The following TOMM5 variants were observed in gnomAD, a reference collection of about 807,000 sequenced individuals.
TOMM5 encodes the protein mitochondrial import receptor subunit TOM5 homolog.
TOMM5 carries 1 observed loss-of-function variant against 4.8 expected under a neutral mutation model. The observed-to-expected ratio is 0.21, with a 90% CI of 0.07 to 0.99. The LOEUF (loss-of-function observed/expected upper bound fraction) is 0.99, where lower values mean the gene tolerates loss of function less well. Ranked by LOEUF, TOMM5 falls within the 50% of genes least tolerant of loss-of-function variation. The pLI, the probability that TOMM5 is intolerant of heterozygous loss-of-function variation, is 0.60. For synonymous variants in TOMM5, 26 were observed against 26.7 expected (o/e 0.97, Z 0.08); for missense variants, 60 against 66.6 (o/e 0.90, Z 0.35).
rs1453315730 is a variant in TOMM5 at position 37,592,542 on chromosome 9, G to C, written c.-10C>G. ...CCTCAATCCGGAACATCGCGGCTCT[G>C]ACTTAGCAGCTTCCAGCCGCCGCGC... On this transcript the variant is annotated 5_prime_UTR_variant, in exon 1 of 2. Transcript: ENST00000321301. 2.5e-6 allele frequency: 4 copies of C among 1,609,192 alleles called. No homozygotes were observed. The highest frequency in any genetic ancestry group is 3.4e-6 in the Non-Finnish European group (4 of 1,177,004).
rs749309411 is a variant in TOMM5 at position 37,592,544 on chromosome 9, C to T, written c.-12G>A. On this transcript the variant is annotated 5_prime_UTR_variant, in exon 1 of 2. Coordinates refer to ENST00000321301, the MANE Select transcript of TOMM5 (RefSeq NM_001001790.3). The stretch of plus-strand genomic sequence containing the variant: ...TCAATCCGGAACATCGCGGCTCTGA[C>T]TTAGCAGCTTCCAGCCGCCGCGCTC... 34 of 1,608,546 alleles carry T rather than the reference C, an allele frequency of 2.1e-5. No homozygotes were observed. Among genetic ancestry groups the T allele is most frequent in the Middle Eastern group, 2.0e-4 (1 of 5,110 alleles).
In TOMM5 at chr9:37,592,496, G is replaced by C. The variant is rs753243254; in HGVS notation, c.37C>G (p.Pro13Ala). ...CGCATCTTCCGTTTCATCTCCTCCG[G>C]GTCCAGCTTCGGCGCGAGGCCCTCA... ...RIEGLAPKLD[P>A]EEMKRKMRED... Residue 13 changes from proline to alanine, a missense_variant, in exon 1 of 2, where the codon CCG becomes GCG. Physicochemically the swap from Pro to Ala is conservative, Grantham distance 27. Coordinates refer to ENST00000321301, the MANE Select transcript of TOMM5 (RefSeq NM_001001790.3). The C allele has an allele frequency of 6.2e-7, 1 of 1,613,944 alleles. No individual in the cohort carries two copies. Among genetic ancestry groups the C allele is most frequent in the Non-Finnish European group, 8.5e-7 (1 of 1,179,996 alleles).
rs1588875010 is a variant in TOMM5, at chr9:37,592,591, C to G, written c.-59G>C. On this transcript the variant is annotated 5_prime_UTR_variant, in exon 1 of 2. Transcript: ENST00000321301. ...GCTCTGCTCTCCACGGTGGCCGCCT[C>G]GCGCCCGGAACTCGGCCTATCCTCA... The G allele has an allele frequency of 6.3e-7, 1 of 1,575,282 alleles. No individual in the cohort carries two copies. Among genetic ancestry groups the G allele is most frequent in the South Asian group, 1.2e-5 (1 of 85,192 alleles).
intron 1 of TOMM5, chr9:37,592,120 G>T: frequency 1.7e-6 from 2 of 1,163,902 alleles, no homozygotes; most frequent in Non-Finnish European, 2.4e-6. Flanking sequence ...TTCACAAAGT[G>T]CTGGGTGGGA....
intron 1 of TOMM5, among the ~76,000 whole-genome samples, chr9:37,589,220 A>T (rs939500122): frequency 2.0e-5 from 3 of 152,258 alleles, no homozygotes; most frequent in Non-Finnish European, 2.9e-5. Flanking sequence ...TCAAATGACA[A>T]GGCTTTACTC....
Position 37,588,687 on chromosome 9 carries a change from C to T in TOMM5, c.*211G>A, listed in dbSNP as rs1344308205. The T allele has an allele frequency of 5.8e-6, 4 of 693,188 alleles. No homozygotes were observed. Among genetic ancestry groups the T allele is most frequent in the African/African-American group, 5.3e-5 (3 of 56,916 alleles). The allele number at this position is 693,188 out of a possible 1,614,324, so 42.9% of individuals were successfully genotyped here. ...AAACGTCACAGGGATAAGGGTACAC[C>T]AGATCACGAGACATCGTTTCATACT... On this transcript the variant is annotated 3_prime_UTR_variant, in exon 2 of 2. Transcript: ENST00000321301.
At chr9:37,590,458 T>C (rs1376804262) in intron 1 of TOMM5, among the ~76,000 whole-genome samples, 3 of 152,082 alleles carry the variant, frequency 2.0e-5, no homozygotes, top group Non-Finnish European at 4.4e-5. Context: ...AAAAGTAGAT[T>C]AGTCGTTGTG....
chr9:37,590,171 T>C (rs752936950), intron 1 of TOMM5, among the ~76,000 whole-genome samples: 2 of 152,028 alleles, frequency 1.3e-5, no homozygotes, highest in African/African-American at 2.4e-5. Flanking sequence ...ATGAGAAGGA[T>C]TGATCGAGCC....
Position 37,588,608 on chromosome 9 carries a change from G to T in TOMM5, c.*290C>A. 1 of 538,624 alleles carries T rather than the reference G, an allele frequency of 1.9e-6. No homozygotes were observed. The highest frequency in any genetic ancestry group is 3.4e-6 in the Non-Finnish European group (1 of 293,742). 33.4% of individuals were successfully genotyped at this position (538,624 alleles called of 1,614,324 possible). On this transcript the variant is annotated 3_prime_UTR_variant, in exon 2 of 2. Coordinates refer to ENST00000321301, the MANE Select transcript of TOMM5 (RefSeq NM_001001790.3). The stretch of plus-strand genomic sequence containing the variant: ...TTCAGACACAGCTCCCTTAATACTT[G>T]CTAGAAAACGGAGTTTGACATTATT...
Position 37,588,511 on chromosome 9 carries a change from A to G in TOMM5, c.*387T>C, listed in dbSNP as rs1038726132. The G allele has an allele frequency of 1.4e-5, 5 of 356,276 alleles. No individual in the cohort carries two copies. The East Asian group carries it at 3.5e-4, about 25-fold the overall frequency. 22.1% of individuals were successfully genotyped at this position (356,276 alleles called of 1,614,324 possible). On this transcript the variant is annotated 3_prime_UTR_variant, in exon 2 of 2. Transcript: ENST00000321301. The stretch of plus-strand genomic sequence containing the variant: ...TGCTGATTTCCACAAAACATAATAT[A>G]AGAGACTCTTCACAAATACACTCTG...
chr9:37,590,322 GGAGGTC>G (rs1260857861), intron 1 of TOMM5, among the ~76,000 whole-genome samples: 1 of 152,082 alleles, frequency 6.6e-6, no homozygotes, highest in Non-Finnish European at 1.5e-5. Context: ...CTTGAGCCTG[GGAGGTC>G]GAGGTTGCTG....
At position 37,588,618 on chromosome 9, in the gene TOMM5, G is replaced by A. The variant is rs753795243; in HGVS notation, c.*280C>T. On this transcript the variant is annotated 3_prime_UTR_variant, in exon 2 of 2. Transcript: ENST00000321301. ...GCTCCCTTAATACTTGCTAGAAAAC[G>A]GAGTTTGACATTATTTACAATTATA... 1.2e-5 allele frequency: 7 copies of A among 563,982 alleles called. No individual in the cohort carries two copies. Among genetic ancestry groups the A allele is most frequent in the Admixed American group, 2.6e-5 (1 of 38,702 alleles). The allele number at this position is 563,982 out of a possible 1,614,324, so 34.9% of individuals were successfully genotyped here.
At chr9:37,589,964 C>A (rs1823075712) in intron 1 of TOMM5, among the ~76,000 whole-genome samples, 1 of 152,180 alleles carries the variant, frequency 6.6e-6, no homozygotes, top group African/African-American at 2.4e-5. Flanking sequence ...GTGATACATC[C>A]TTCCAACAGA....
Position 37,592,587 on chromosome 9 carries a change from G to T in TOMM5, c.-55C>A. The T allele has an allele frequency of 1.3e-6, 2 of 1,579,176 alleles. No homozygotes were observed. The highest frequency in any genetic ancestry group is 1.7e-6 in the Non-Finnish European group (2 of 1,161,934). On this transcript the variant is annotated 5_prime_UTR_variant, in exon 1 of 2. Transcript: ENST00000321301. ...CCGCGCTCTGCTCTCCACGGTGGCC[G>T]CCTCGCGCCCGGAACTCGGCCTATC...
Position 37,588,941 on chromosome 9 carries a change from AAAAC to A in TOMM5, c.122-13_122-10del, listed in dbSNP as rs1823058934. The A allele has an allele frequency of 2.5e-6, 4 of 1,610,036 alleles. No individual in the cohort carries two copies. The highest frequency in any genetic ancestry group is 2.2e-5 in the South Asian group (2 of 90,650). On this transcript the variant is annotated splice_polypyrimidine_tract_variant and intron_variant, in intron 1 of 1. Coordinates refer to ENST00000321301, the MANE Select transcript of TOMM5 (RefSeq NM_001001790.3). Reference sequence around the variant, plus strand: ...CTTTAAGATAAATGGAGCTGAAAGAAAAACAAATCTAAAATTAGTTTTCAAATCT... The same window carrying A: ...CTTTAAGATAAATGGAGCTGAAAGAAAAATCTAAAATTAGTTTTCAAATCT...
chr9:37,589,599 T>C (rs1823070027), intron 1 of TOMM5, among the ~76,000 whole-genome samples: 1 of 152,196 alleles, frequency 6.6e-6, no homozygotes, highest in Non-Finnish European at 1.5e-5. Flanking sequence ...CTCATACTAA[T>C]AGAATTTTGT....
At position 37,588,780 on chromosome 9, in the gene TOMM5, GA is replaced by G; in HGVS notation, c.*117del. 1 of 1,044,470 alleles carries G rather than the reference GA, an allele frequency of 9.6e-7. No individual in the cohort carries two copies. Among genetic ancestry groups the G allele is most frequent in the Non-Finnish European group, 1.5e-6 (1 of 667,384 alleles). The allele number at this position is 1,044,470 out of a possible 1,614,324, so 64.7% of individuals were successfully genotyped here. Reference sequence around the variant, plus strand: ...GAGCCAAACTTGTTCTTAACAAGCAGAATTTTATGTCCATTCAAAGAGTCTC... The same window carrying G: ...GAGCCAAACTTGTTCTTAACAAGCAGATTTTATGTCCATTCAAAGAGTCTC... On this transcript the variant is annotated 3_prime_UTR_variant, in exon 2 of 2. Transcript: ENST00000321301.
rs1463615444 is a variant in TOMM5 at position 37,588,522 on chromosome 9, C to T, written c.*376G>A. 2.7e-6 allele frequency: 1 copy of T among 370,248 alleles called. No individual in the cohort carries two copies. Among genetic ancestry groups the T allele is most frequent in the Non-Finnish European group, 5.1e-6 (1 of 194,270 alleles). 22.9% of individuals were successfully genotyped at this position (370,248 alleles called of 1,614,324 possible). A position where few individuals can be genotyped will look rare whatever the true frequency, so the allele number is the denominator to read the frequency against. On this transcript the variant is annotated 3_prime_UTR_variant, in exon 2 of 2. Coordinates refer to ENST00000321301, the MANE Select transcript of TOMM5 (RefSeq NM_001001790.3). The stretch of plus-strand genomic sequence containing the variant: ...ACAAAACATAATATAAGAGACTCTT[C>T]ACAAATACACTCTGGGCAGAAGAAA...
rs1823050764 is a variant in TOMM5, at chr9:37,588,532, C to T, written c.*366G>A. On this transcript the variant is annotated 3_prime_UTR_variant, in exon 2 of 2. Coordinates refer to ENST00000321301, the MANE Select transcript of TOMM5 (RefSeq NM_001001790.3). ...ATATAAGAGACTCTTCACAAATACA[C>T]TCTGGGCAGAAGAAAAAGGTAAACA... is the stretch of plus-strand genomic sequence containing the variant. 1 of 395,534 alleles carries T rather than the reference C, an allele frequency of 2.5e-6. No homozygotes were observed. Among genetic ancestry groups the T allele is most frequent in the South Asian group, 2.2e-5 (1 of 46,064 alleles). The allele number at this position is 395,534 out of a possible 1,614,324, so 24.5% of individuals were successfully genotyped here.
Sources: allele counts gnomAD v4.1 joint callset (sites outside exome capture counted in the v4.1 genomes callset), GRCh38; gene constraint gnomAD v4.1.1; transcripts MANE v1.5; gene names NCBI Gene and HGNC (gene_info 2026-07-23, HGNC 2026-07-21).